Variants in SEC24A observed in about 807,000 individuals in gnomAD.
SEC24A encodes the protein SEC24 homolog A, COPII component.
In SEC24A, 93 loss-of-function variants were observed where a neutral mutation model predicts 129.4. That is an observed-to-expected ratio of 0.72 (90% CI 0.61 to 0.85). The LOEUF (loss-of-function observed/expected upper bound fraction) is 0.85. Among genes scored for constraint, SEC24A ranks in the 40% least tolerant of loss-of-function variants. The probability of loss-of-function intolerance (pLI) is 0.00; values close to 1 mark genes in which losing one functional copy is unlikely to be tolerated. For missense variants in SEC24A, 1,264 were observed against 1,307.4 expected, an observed-to-expected ratio of 0.97 and a Z score of 0.51; for synonymous variants, 460 against 467.3, an observed-to-expected ratio of 0.98 and a Z score of 0.20.
At position 134,686,798 on chromosome 5, in the gene SEC24A, A is replaced by G; in HGVS notation, c.1500A>G (p.Pro500=). 6.3e-7 allele frequency: 1 copy of G among 1,588,918 alleles called. No homozygotes were observed. Among genetic ancestry groups the G allele is most frequent in the Non-Finnish European group, 8.6e-7 (1 of 1,168,896 alleles). ...FMAPSEYMLR[P]PQPPVYLFVF... ...GATCTTTTTTTCTTCAGTTACGACC[A>G]CCTCAGCCTCCAGTGTATCTCTTTG... Residue 500 remains proline, a synonymous_variant, in exon 10 of 23, where the codon CCA becomes CCG. Coordinates refer to ENST00000398844, the MANE Select transcript of SEC24A (RefSeq NM_021982.3).
At chr5:134,667,818 A>C (rs1327349097) in intron 3 of SEC24A, among the ~76,000 whole-genome samples, 1 of 152,200 alleles carries the variant, frequency 6.6e-6, no homozygotes, top group Non-Finnish European at 1.5e-5. Flanking sequence ...AATCAATGTT[A>C]GCTACATGCA....
rs767506929 is a variant in SEC24A, at chr5:134,715,063, C to T, written c.2767C>T (p.Arg923Cys). The change falls in exon 19 of 23, where the codon CGC (arginine) becomes TGC (cysteine). Residue 923 changes from arginine (R) to cysteine (C), a missense_variant. By Grantham distance (180) the Arg-to-Cys change is radical. Transcript: ENST00000398844. ...QTGTNARLDE[R>C]IFAMCQVKNQ... ...TGGGACAAATGCACGTCTAGATGAA[C>T]GCATTTTTGCTATGTGTCAAGTGAA... 5.6e-6 allele frequency: 9 copies of T among 1,612,724 alleles called. No individual in the cohort carries two copies. The highest frequency in any genetic ancestry group is 2.7e-5 in the African/African-American group (2 of 74,896).
At chr5:134,663,643 G>A (rs1750551668) in intron 2 of SEC24A, among the ~76,000 whole-genome samples, 1 of 152,058 alleles carries the variant, frequency 6.6e-6, no homozygotes. Flanking sequence ...GAGCAAAATA[G>A]CAAGACCCCA....
chr5:134,650,251 A>G (rs557215387), intron 1 of SEC24A, among the ~76,000 whole-genome samples: 7 of 152,310 alleles, frequency 4.6e-5, no homozygotes, highest in South Asian at 2.1e-4. Context: ...TCTCAAAATT[A>G]TGGTAACAGA....
chr5:134,658,324 A>G (rs756621255), intron 1 of SEC24A, among the ~76,000 whole-genome samples: 3 of 152,214 alleles, frequency 2.0e-5, no homozygotes, highest in Non-Finnish European at 4.4e-5. Context: ...ACAATATGCT[A>G]CATTTTGTTT....
intron 13 of SEC24A, among the ~76,000 whole-genome samples, chr5:134,695,730 G>A (rs947158842): frequency 1.3e-5 from 2 of 151,958 alleles, no homozygotes; most frequent in Non-Finnish European, 2.9e-5. Context: ...AGTGAGCTGA[G>A]ATTGTGCCAC....
intron 20 of SEC24A, among the ~76,000 whole-genome samples, chr5:134,720,609 A>G (rs1002965258): frequency 2.0e-5 from 3 of 152,166 alleles, no homozygotes; most frequent in African/African-American, 7.2e-5. Context: ...TTGACCTTTT[A>G]AAATATACTC....
At chr5:134,709,201 ACT>A (rs1454684611) in intron 18 of SEC24A, among the ~76,000 whole-genome samples, 1 of 152,030 alleles carries the variant, frequency 6.6e-6, no homozygotes. Flanking sequence ...ACAGAGCCAG[ACT>A]CTGTCTCAAA....
At chr5:134,707,822 CTTTTT>C (rs954654756) in intron 17 of SEC24A, among the ~76,000 whole-genome samples, 15 of 150,918 alleles carry the variant, frequency 9.9e-5, no homozygotes, top group African/African-American at 3.6e-4. Context: ...TTCAATTATG[CTTTTT>C]TTTTAAGTAT....
chr5:134,650,903 T>C (rs2150064573), intron 1 of SEC24A, among the ~76,000 whole-genome samples: 1 of 151,944 alleles, frequency 6.6e-6, no homozygotes, highest in East Asian at 1.9e-4. Flanking sequence ...GCCTCTGAAG[T>C]AGCTGGGATT....
At chr5:134,708,388 C>T (rs1752226580) in intron 17 of SEC24A, among the ~76,000 whole-genome samples, 1 of 152,140 alleles carries the variant, frequency 6.6e-6, no homozygotes, top group Non-Finnish European at 1.5e-5. Flanking sequence ...CACAGGAAAG[C>T]ATTGTGTGTT....
At chr5:134,716,466 CT>C (rs1325053287) in intron 19 of SEC24A, among the ~76,000 whole-genome samples, 9 of 105,352 alleles carry the variant, frequency 8.5e-5, no homozygotes, top group African/African-American at 2.9e-4. Context: ...GAGACTTTGT[CT>C]AAAAAAAAAA....
rs778045393 is a variant in SEC24A at position 134,692,629 on chromosome 5, T to A, written c.1751T>A (p.Leu584Ter). ...EDVFIPMPEN[L>*]LVNLNESKEL... Reference sequence around the variant, plus strand: ...GTTTTTATACCTATGCCAGAGAACTTATTAGTAAACTTAAATGAAAGTAAA... The same window carrying A: ...GTTTTTATACCTATGCCAGAGAACTAATTAGTAAACTTAAATGAAAGTAAA... The change falls in exon 12 of 23, where the codon TTA (leucine) becomes TAA (stop). Residue 584 changes from leucine to a stop codon, truncating the protein, a stop_gained. Transcript: ENST00000398844. LOFTEE classifies it high-confidence loss of function. 1 of 1,420,404 alleles carries A rather than the reference T, an allele frequency of 7.0e-7. No individual in the cohort carries two copies. 88.0% of individuals were successfully genotyped at this position (1,420,404 alleles called of 1,614,324 possible).
chr5:134,661,157 G>C lies in SEC24A; in HGVS notation c.136G>C (p.Val46Leu). Residue 46 changes from valine to leucine, a missense_variant, in exon 2 of 23, where the codon GTG becomes CTG. Physicochemically the swap from Val to Leu is conservative, Grantham distance 32. Transcript: ENST00000398844. ...TGCATTGCTGTCTTCACAAGAGTCA[G>C]TGAGCCAAGGATACAATTTCCAGCT... Reference protein sequence around the residue: ...QNALLSSQESVSQGYNFQLPG... With the variant: ...QNALLSSQESLSQGYNFQLPG... The C allele has an allele frequency of 6.2e-7, 1 of 1,612,964 alleles. No homozygotes were observed.
At chr5:134,706,435 G>A (rs984975797) in intron 17 of SEC24A, among the ~76,000 whole-genome samples, 1 of 152,096 alleles carries the variant, frequency 6.6e-6, no homozygotes, top group African/African-American at 2.4e-5. Flanking sequence ...AATACATACA[G>A]CTTAATAACA....
At chr5:134,663,802 G>T (rs1467635712) in intron 2 of SEC24A, among the ~76,000 whole-genome samples, 1 of 151,880 alleles carries the variant, frequency 6.6e-6, no homozygotes, top group African/African-American at 2.4e-5. Flanking sequence ...TACAGATTTG[G>T]TGAGAGAGAC....
intron 13 of SEC24A, among the ~76,000 whole-genome samples, chr5:134,695,681 A>T (rs1425722333): frequency 6.6e-6 from 1 of 152,164 alleles, no homozygotes; most frequent in Admixed American, 6.5e-5. Flanking sequence ...GCTACTCAGG[A>T]GGCTGAGGCA....
Position 134,697,902 on chromosome 5 carries a change from G to C in SEC24A, c.2111G>C (p.Cys704Ser). Residue 704 changes from cysteine (C) to serine (S), a missense_variant, in exon 15 of 23, where the codon TGT becomes TCT. Cys to Ser is a moderately radical substitution (Grantham distance 112). Coordinates refer to ENST00000398844, the MANE Select transcript of SEC24A (RefSeq NM_021982.3). The part of the protein sequence containing the change: ...GQYSDLASLG[C>S]ISRYSAGSVY... ...AACAGTGTGTGTTCTCTTCCAGGTT[G>C]TATTTCTCGGTATTCAGCAGGTAGT... 6.2e-7 allele frequency: 1 copy of C among 1,610,512 alleles called. No homozygotes were observed. The highest frequency in any genetic ancestry group is 1.1e-5 in the South Asian group (1 of 90,336).
Position 134,649,165 on chromosome 5 carries a change from AC to A in SEC24A, c.90del (p.Tyr30Ter). On this transcript the variant is annotated frameshift_variant, in exon 1 of 23. Transcript: ENST00000398844. LOFTEE classifies it high-confidence loss of function. ...NGAALASGSP[Y>X]TNGPVQNALL... ...GCCGCCTTGGCCTCGGGGTCTCCCTACACCAACGGTGAGTGCTGTCCGGGGG... is the reference window on the plus strand; with the variant it reads ...GCCGCCTTGGCCTCGGGGTCTCCCTAACCAACGGTGAGTGCTGTCCGGGGG... The A allele has an allele frequency of 6.2e-7, 1 of 1,605,454 alleles. No individual in the cohort carries two copies. Among genetic ancestry groups the A allele is most frequent in the East Asian group, 2.3e-5 (1 of 43,988 alleles).
Sources: gnomAD v4.1 joint callset for allele counts (sites outside exome capture counted in the v4.1 genomes callset) on GRCh38, gnomAD v4.1.1 for gene constraint, MANE v1.5 for transcripts, NCBI Gene and HGNC (gene_info 2026-07-23, HGNC 2026-07-21) for gene names.